The following CREBRF variants were observed in gnomAD, a reference collection of about 807,000 sequenced individuals.
CREBRF encodes CREB3 regulatory factor, also known as UPF0474 protein C5orf41.
In CREBRF, 5 loss-of-function variants were observed where a neutral mutation model predicts 66.1. The observed-to-expected ratio is 0.08, with a 90% CI of 0.04 to 0.16. CREBRF has a LOEUF of 0.16. Among genes scored for constraint, CREBRF ranks in the 10% least tolerant of loss-of-function variants. CREBRF has a pLI of 1.00. For synonymous variants in CREBRF, 229 were observed against 264.4 expected (o/e 0.87, Z 1.30); for missense variants, 531 against 744.9 (o/e 0.71, Z 3.34).
chr5:173,101,841 G>A (rs1758636375), intron 4 of CREBRF, among the ~76,000 whole-genome samples: 4 of 152,092 alleles, frequency 2.6e-5, no homozygotes, highest in South Asian at 4.2e-4. Flanking sequence ...GAGCCACCGC[G>A]CCCGGCCTGT....
In CREBRF at chr5:173,090,671, A is replaced by G; in HGVS notation, c.492A>G (p.Lys164=). ...LYYPDSLFSV[K]QNPLPSSFPG... is the part of the protein sequence containing the mutation. Reference sequence around the variant, plus strand: ...ACCCCGATTCACTTTTCAGTGTCAAACAAAATCCCTTACCCTCTTCATTCC... The same window carrying G: ...ACCCCGATTCACTTTTCAGTGTCAAGCAAAATCCCTTACCCTCTTCATTCC... The change falls in exon 4 of 9, where the codon AAA becomes AAG. Residue 164 remains lysine (K), a synonymous_variant. Transcript: ENST00000296953. This position sits in a 1 kb window ranked among gnomAD's most constrained non-coding sequence, Gnocchi z 4.5. 6.2e-7 allele frequency: 1 copy of G among 1,614,180 alleles called. No homozygotes were observed. The highest frequency in any genetic ancestry group is 8.5e-7 in the Non-Finnish European group (1 of 1,180,028).
intron 7 of CREBRF, 57 bp from the exon 8 acceptor site, chr5:173,123,023 A>T: frequency 6.7e-7 from 1 of 1,503,186 alleles, no homozygotes; most frequent in Non-Finnish European, 8.9e-7. Context: ...TTACATAATT[A>T]AAAGGAAAGT....
chr5:173,060,118 T>C (rs1477123764), intron 1 of CREBRF: 1 of 152,128 alleles, frequency 6.6e-6, no homozygotes, highest in East Asian at 1.9e-4. Context: ...TCTGTTAATA[T>C]AACTCAGTTT....
At chr5:173,129,918 C>T (rs1759376160) in intron 8 of CREBRF, among the ~76,000 whole-genome samples, 1 of 152,002 alleles carries the variant, frequency 6.6e-6, no homozygotes, top group African/African-American at 2.4e-5. Context: ...CTCTGCCTCC[C>T]AGGTTCAAGC....
At chr5:173,130,689 AATTT>A (rs1170931112) in intron 8 of CREBRF, among the ~76,000 whole-genome samples, 1 of 151,592 alleles carries the variant, frequency 6.6e-6, no homozygotes, top group Non-Finnish European at 1.5e-5. Context: ...ATGTCCAGCT[AATTT>A]ATTTATTTTT....
intron 2 of CREBRF, chr5:173,086,099 G>A: frequency 1.2e-6 from 1 of 816,558 alleles, no homozygotes; most frequent in Non-Finnish European, 2.2e-6. Flanking sequence ...CTGCATAGTT[G>A]TCAAAAACAG....
chr5:173,064,248 A>G (rs1757368316), intron 1 of CREBRF, among the ~76,000 whole-genome samples: 1 of 152,216 alleles, frequency 6.6e-6, no homozygotes, highest in Non-Finnish European at 1.5e-5. Context: ...AAAGCATTAC[A>G]AAAATAAAAC....
At chr5:173,129,718 CAAAAA>C (rs36113811) in intron 8 of CREBRF, among the ~76,000 whole-genome samples, 1 of 105,684 alleles carries the variant, frequency 9.5e-6, no homozygotes. Context: ...GACCTCATCT[CAAAAA>C]AAAAAAAAAA....
At chr5:173,076,731 G>A (rs1021147707) in intron 1 of CREBRF, among the ~76,000 whole-genome samples, 14 of 147,786 alleles carry the variant, frequency 9.5e-5, no homozygotes, top group Non-Finnish European at 1.8e-4. Flanking sequence ...ATTCCAGCCT[G>A]GGGGACACAG....
At chr5:173,072,114 C>CT (rs910280333) in intron 1 of CREBRF, among the ~76,000 whole-genome samples, 28 of 149,990 alleles carry the variant, frequency 1.9e-4, no homozygotes, top group East Asian at 1.6e-3. Context: ...AAAATTTTTC[C>CT]TTTTTTTTTA....
rs570207872 is a variant in CREBRF at position 173,064,474 on chromosome 5, T to C, written c.-192+7995T>C. 5.3e-5 allele frequency among the ~76,000 whole-genome samples: 8 copies of C among 151,914 alleles called. No homozygotes were observed. The East Asian group carries it at 7.8e-4, about 15-fold the overall frequency. ...TCACGGCTCACTGCAGCCTTGACTT[T>C]CCAGGCTCAAGCAGTCCTCCTGCCT... On this transcript the variant is annotated intron_variant, in intron 1 of 8. Transcript: ENST00000296953.
chr5:173,131,701 C>CAG (rs1443366150), intron 8 of CREBRF, among the ~76,000 whole-genome samples: 1 of 55,330 alleles, frequency 1.8e-5, no homozygotes, highest in African/African-American at 5.1e-5. Context: ...TGTATACACA[C>CAG]ACACACACAC....
At position 173,058,786 on chromosome 5, in the gene CREBRF, C is replaced by CTTTTT. The variant is rs70984932; in HGVS notation, c.-192+2330_-192+2334dup. On this transcript the variant is annotated intron_variant, in intron 1 of 8. Coordinates refer to ENST00000296953, the MANE Select transcript of CREBRF (RefSeq NM_153607.3). ...AGGCGTGAGCCACCGCGCCCAGCCT[C>CTTTTT]TTTTTTTTTTTTTTTTTTTTTTTTT... Among the ~76,000 whole-genome samples the CTTTTT allele has an allele frequency of 4.7e-4, 30 of 64,092 alleles. 2 individuals carry two copies. Among genetic ancestry groups the CTTTTT allele is most frequent in the South Asian group, 3.5e-3 (7 of 2,026 alleles). The allele number at this position is 64,092 out of a possible 152,430, so 42.0% of individuals were successfully genotyped here.
chr5:173,084,196 C>T (rs1758056208), intron 2 of CREBRF, among the ~76,000 whole-genome samples: 1 of 152,094 alleles, frequency 6.6e-6, no homozygotes, highest in African/African-American at 2.4e-5. Flanking sequence ...AACATGTTTT[C>T]TAAACTAGAT....
At chr5:173,132,085 CTTTTT>C (rs34701764) in intron 8 of CREBRF, among the ~76,000 whole-genome samples, 1 of 124,550 alleles carries the variant, frequency 8.0e-6, no homozygotes, top group Non-Finnish European at 1.7e-5. Flanking sequence ...AAATATATTT[CTTTTT>C]TTTTTTTTTT....
chr5:173,119,814 G>A (rs948601248), intron 7 of CREBRF, among the ~76,000 whole-genome samples: 12 of 152,068 alleles, frequency 7.9e-5, no homozygotes, highest in African/African-American at 2.4e-4. Context: ...TATTATGAAT[G>A]GGTGTTGATG....
chr5:173,086,062 A>G (rs1440755815), intron 2 of CREBRF: 5 of 903,458 alleles, frequency 5.5e-6, no homozygotes, highest in Middle Eastern at 3.3e-4. Context: ...CCAAGAGTGT[A>G]TGGTTCTCTA....
intron 1 of CREBRF, among the ~76,000 whole-genome samples, chr5:173,061,414 G>A (rs76823586): frequency 0.087 from 13,289 of 152,252 alleles, 761 homozygotes; most frequent in South Asian, 0.16. Flanking sequence ...ATTGTATTTT[G>A]TATTTTTCCT....
intron 1 of CREBRF, among the ~76,000 whole-genome samples, chr5:173,071,624 A>G (rs1352155026): frequency 2.0e-5 from 3 of 151,996 alleles, no homozygotes; most frequent in Non-Finnish European, 4.4e-5. Flanking sequence ...GATTACAGGT[A>G]TGAGCCACTT....
Sources: gnomAD v4.1 joint callset for allele counts (sites outside exome capture counted in the v4.1 genomes callset) on GRCh38, gnomAD v4.1.1 for gene constraint, Gnocchi (gnomAD v3.1) non-coding constraint, MANE v1.5 for transcripts, NCBI Gene and HGNC (gene_info 2026-07-23, HGNC 2026-07-21) for gene names.